The following GRIK5 variants were observed in gnomAD, a reference collection of about 807,000 sequenced individuals.
GRIK5 encodes glutamate receptor ionotropic, kainate 5.
Under a neutral mutation model 97.4 loss-of-function variants are expected in GRIK5, and 43 were observed. The ratio of observed to expected loss-of-function variants is 0.44; its 90% CI spans 0.35 to 0.57. The LOEUF is 0.57. Ranked by LOEUF, GRIK5 falls within the 20% of genes least tolerant of loss-of-function variation. GRIK5 has a pLI of 0.01. For synonymous variants in GRIK5, 580 were observed against 583.5 expected (o/e 0.99, Z 0.09); for missense variants, 1,015 against 1,382.0 (o/e 0.73, Z 4.21).
chr19:42,050,094 T>C (rs766353489), intron 11 of GRIK5, among the ~76,000 whole-genome samples: 51 of 152,124 alleles, frequency 3.4e-4, no homozygotes, highest in Non-Finnish European at 5.6e-4. Context: ...CACGCCCAGC[T>C]AATTTTTGTA....
chr19:42,046,024 T>C (rs2076039139), intron 11 of GRIK5, among the ~76,000 whole-genome samples: 1 of 152,172 alleles, frequency 6.6e-6, no homozygotes. Flanking sequence ...CTGAGAATCC[T>C]AGAGACAAGG....
chr19:41,999,058 G>C lies in GRIK5; in HGVS notation c.2756C>G (p.Ala919Gly). 1 of 1,216,426 alleles carries C rather than the reference G, an allele frequency of 8.2e-7. No individual in the cohort carries two copies. Among genetic ancestry groups the C allele is most frequent in the Non-Finnish European group, 1.0e-6 (1 of 971,934 alleles). The allele number at this position is 1,216,426 out of a possible 1,614,324, so 75.4% of individuals were successfully genotyped here. A position where few individuals can be genotyped will look rare whatever the true frequency, so the allele number is the denominator to read the frequency against. ...LLDDPGPPSG[A>G]RPAAPTPCTH... is the part of the protein sequence containing the mutation. ...GCAGGGGGTGGGGGCGGCGGGTCGG[G>C]CTCCGCTGGGGGGCCCCGGGTCGTC... Residue 919 changes from alanine (A) to glycine (G), a missense_variant, in exon 20 of 20, where the codon GCC becomes GGC. This residue lies in a region of GRIK5 where 109 missense variants were observed against 100.4 expected (regional missense o/e 1.09). Transcript: ENST00000593562. This position sits in a 1 kb window ranked among gnomAD's most constrained non-coding sequence, Gnocchi z 5.0.
intron 12 of GRIK5, among the ~76,000 whole-genome samples, chr19:42,027,988 C>T (rs914192270): frequency 3.3e-5 from 5 of 152,056 alleles, no homozygotes; most frequent in Admixed American, 2.6e-4. Context: ...TGTGCCACCT[C>T]GCCTGGCTAA....
At chr19:42,052,577 T>C (rs2076131170) in intron 11 of GRIK5, among the ~76,000 whole-genome samples, 2 of 152,232 alleles carry the variant, frequency 1.3e-5, no homozygotes, top group African/African-American at 2.4e-5. Context: ...CAAAACCCTC[T>C]TGTAACCCTC....
chr19:42,034,213 C>A (rs1039099267), intron 12 of GRIK5, among the ~76,000 whole-genome samples: 2 of 151,934 alleles, frequency 1.3e-5, no homozygotes, highest in African/African-American at 4.8e-5. Context: ...ATACAAAAAC[C>A]AGCCAGGCGT....
At position 42,042,115 on chromosome 19, in the gene GRIK5, A is replaced by G. The variant is rs557455309; in HGVS notation, c.1473+437T>C. On this transcript the variant is annotated intron_variant, in intron 12 of 19. Transcript: ENST00000593562. This position sits in a 1 kb window ranked among gnomAD's most constrained non-coding sequence, Gnocchi z 6.9. ...GTTCTACATGCAGCCCTCCAGGTCC[A>G]TGATGTGCCAGGCCCTCCCTAGCAG... Among the ~76,000 whole-genome samples the G allele has an allele frequency of 2.0e-5, 3 of 152,192 alleles. No homozygotes were observed. The highest frequency in any genetic ancestry group is 6.5e-5 in the Admixed American group (1 of 15,272).
At chr19:42,066,160 T>C (rs1350312840) in intron 1 of GRIK5, among the ~76,000 whole-genome samples, 1 of 151,820 alleles carries the variant, frequency 6.6e-6, no homozygotes, top group African/African-American at 2.4e-5. Flanking sequence ...CCCACCCAAA[T>C]AGGAAACCAG....
At chr19:42,059,221 T>C in intron 6 of GRIK5, 128 bp downstream of exon 6, 3 of 700,310 alleles carry the variant, frequency 4.3e-6, no homozygotes, top group East Asian at 2.6e-5. Flanking sequence ...ACAATTATCA[T>C]CTTCACGGAA....
chr19:42,048,568 C>T (rs912005894), intron 11 of GRIK5, among the ~76,000 whole-genome samples: 4 of 151,784 alleles, frequency 2.6e-5, no homozygotes, highest in African/African-American at 9.7e-5. Context: ...TGCAGTGAGC[C>T]GAGATTGTGC....
In GRIK5 at chr19:42,002,018, T is replaced by A; in HGVS notation, c.2514+1314A>T. ...GCCTGGGAAGGAGTGACCGGAGAAGTGGGAGAAGGGGAAGAAGGGGCTTTG... is the reference window on the plus strand; with the variant it reads ...GCCTGGGAAGGAGTGACCGGAGAAGAGGGAGAAGGGGAAGAAGGGGCTTTG... On this transcript the variant is annotated intron_variant, in intron 19 of 19. Coordinates refer to ENST00000593562, the MANE Select transcript of GRIK5 (RefSeq NM_002088.5). The surrounding 1 kb of genome is among the most constrained non-coding windows in gnomAD (Gnocchi z 5.2). 1 of 624,634 alleles carries A rather than the reference T, an allele frequency of 1.6e-6. No homozygotes were observed. The allele number at this position is 624,634 out of a possible 1,614,324, so 38.7% of individuals were successfully genotyped here.
chr19:42,008,582 A>G (rs558860264), intron 15 of GRIK5, among the ~76,000 whole-genome samples: 1 of 151,110 alleles, frequency 6.6e-6, no homozygotes, highest in Non-Finnish European at 1.5e-5. Flanking sequence ...AACCGAGATC[A>G]CCACTGCACT....
intron 15 of GRIK5, among the ~76,000 whole-genome samples, chr19:42,017,862 A>T (rs190077249): frequency 6.6e-6 from 1 of 152,262 alleles, no homozygotes; most frequent in East Asian, 1.9e-4. Context: ...GTTGAGGACA[A>T]TGGCTGCAGA....
intron 8 of GRIK5, 91 bp downstream of exon 8, chr19:42,056,571 T>A: frequency 1.8e-6 from 2 of 1,136,130 alleles, no homozygotes; most frequent in Non-Finnish European, 2.6e-6. Flanking sequence ...GCGAGAGGGT[T>A]CTGAGCATGA....
Position 42,065,341 on chromosome 19 carries a change from C to T in GRIK5, c.126G>A (p.Leu42=), listed in dbSNP as rs775053947. 1 of 1,608,784 alleles carries T rather than the reference C, an allele frequency of 6.2e-7. No homozygotes were observed. The highest frequency in any genetic ancestry group is 1.1e-5 in the South Asian group (1 of 90,860). Residue 42 remains leucine, a synonymous_variant, in exon 3 of 20, where the codon CTG becomes CTA. Coordinates refer to ENST00000593562, the MANE Select transcript of GRIK5 (RefSeq NM_002088.5). The surrounding 1 kb of genome is among the most constrained non-coding windows in gnomAD (Gnocchi z 5.8). ...TCTGCTCCCGGGCCAAGGCCAAGGC[C>T]AGACGCTCACCGCGGCCACACACTG... ...DQTVCGRGER[L]ALALAREQIN... is the part of the protein sequence containing the mutation.
chr19:42,033,520 G>C (rs2075865686), intron 12 of GRIK5, among the ~76,000 whole-genome samples: 1 of 152,104 alleles, frequency 6.6e-6, no homozygotes, highest in Admixed American at 6.6e-5. Context: ...GGTTGGGGTA[G>C]CGGGGAGGGA....
chr19:42,058,767 A>G (rs1457201875), intron 6 of GRIK5, among the ~76,000 whole-genome samples: 1 of 149,928 alleles, frequency 6.7e-6, no homozygotes, highest in Non-Finnish European at 1.5e-5. Context: ...CTGAGGTTGC[A>G]GTGAGCTGAG....
chr19:42,056,569 G>A lies in GRIK5; in HGVS notation c.903+93C>T, dbSNP rs1021691713. 5.9e-5 allele frequency: 66 copies of A among 1,109,680 alleles called. No homozygotes were observed. The Admixed American group carries it at 1.2e-3, about 20-fold the overall frequency. The allele number at this position is 1,109,680 out of a possible 1,614,324, so 68.7% of individuals were successfully genotyped here. On this transcript the variant is annotated intron_variant, in intron 8 of 19. Coordinates refer to ENST00000593562, the MANE Select transcript of GRIK5 (RefSeq NM_002088.5). The stretch of plus-strand genomic sequence containing the variant: ...ACGAGGCCTCAGGGAGGGCGAGAGG[G>A]TTCTGAGCATGATCTGAGTGAGGTC...
chr19:42,022,284 G>A lies in GRIK5; in HGVS notation c.1544C>T (p.Pro515Leu). Residue 515 changes from proline to leucine, a missense_variant, in exon 13 of 20, where the codon CCC becomes CTC. This residue lies in a region of GRIK5 where 477 missense variants were observed against 701.1 expected (regional missense o/e 0.68). Transcript: ENST00000593562. The surrounding 1 kb of genome is among the most constrained non-coding windows in gnomAD (Gnocchi z 4.2). ...EREKVIDFSK[P>L]FMTLGISILY... ...GATGCTGATCCCCAGGGTCATAAAG[G>A]GCTTGGAAAAGTCGATGACCTTCTC... 1.2e-6 allele frequency: 2 copies of A among 1,614,060 alleles called. No homozygotes were observed. The highest frequency in any genetic ancestry group is 8.5e-7 in the Non-Finnish European group (1 of 1,179,938).
rs2076388933 is a variant in GRIK5 at position 42,069,263 on chromosome 19, T to G, written c.-73A>C. On this transcript the variant is annotated 5_prime_UTR_variant, in exon 1 of 20. Transcript: ENST00000593562. Reference sequence around the variant, plus strand: ...CACGGATCCTGGTGGGACGGAGGGCTGGGCTCCCTCGAGGCCCGAAGACCG... The same window carrying G: ...CACGGATCCTGGTGGGACGGAGGGCGGGGCTCCCTCGAGGCCCGAAGACCG... 5.5e-6 allele frequency: 1 copy of G among 181,974 alleles called. No individual in the cohort carries two copies. Among genetic ancestry groups the G allele is most frequent in the East Asian group, 1.2e-4 (1 of 8,012 alleles). The allele number at this position is 181,974 out of a possible 1,614,324, so 11.3% of individuals were successfully genotyped here. A position where few individuals can be genotyped will look rare whatever the true frequency, so the allele number is the denominator to read the frequency against.
Sources: gnomAD v4.1 joint callset for allele counts (sites outside exome capture counted in the v4.1 genomes callset) on GRCh38, gnomAD v4.1.1 for gene constraint, gnomAD v4.1.1 regional missense constraint, Gnocchi (gnomAD v3.1) non-coding constraint, MANE v1.5 for transcripts, NCBI Gene and HGNC (gene_info 2026-07-23, HGNC 2026-07-21) for gene names.